COL6A5: variants seen among roughly 807,000 people sequenced by gnomAD.
COL6A5 encodes the protein collagen alpha-5(VI) chain.
COL6A5 carries 48 observed loss-of-function variants against 65.6 expected under a neutral mutation model. That is an observed-to-expected ratio of 0.73 (90% CI 0.58 to 0.93). COL6A5 has a LOEUF of 0.93. Ranked by LOEUF, COL6A5 falls within the 40% of genes least tolerant of loss-of-function variation. COL6A5 has a pLI of 0.00. For missense variants in COL6A5, 914 were observed against 928.3 expected (o/e 0.98, Z 0.20); for synonymous variants, 291 against 322.8 (o/e 0.90, Z 1.05).
chr3:130,368,936 A>G (rs1222874507), intron 1 of COL6A5, among the ~76,000 whole-genome samples: 1 of 152,222 alleles, frequency 6.6e-6, no homozygotes, highest in African/African-American at 2.4e-5. Context: ...TAGCTCAGCC[A>G]TGGACTGGTT....
intron 3 of COL6A5, among the ~76,000 whole-genome samples, chr3:130,377,646 A>G (rs555908937): frequency 2.9e-4 from 44 of 152,288 alleles, no homozygotes; most frequent in African/African-American, 9.1e-4. Flanking sequence ...TTAGGAGCAA[A>G]GACTTCGGAG....
intron 20 of COL6A5, 132 bp downstream of exon 20, chr3:130,410,656 T>A: frequency 1.4e-6 from 1 of 726,392 alleles, no homozygotes. Flanking sequence ...ATCTTGACAC[T>A]ACTGAAATTT....
At chr3:130,398,441 T>G (rs988549202) in intron 10 of COL6A5, among the ~76,000 whole-genome samples, 3 of 152,118 alleles carry the variant, frequency 2.0e-5, no homozygotes, top group African/African-American at 7.2e-5. Flanking sequence ...AGTTGAAAAT[T>G]TAAACAGTGA....
At chr3:130,475,356 T>C (rs1710067491) in intron 7 of COL6A5, among the ~76,000 whole-genome samples, 1 of 151,918 alleles carries the variant, frequency 6.6e-6, no homozygotes, top group Non-Finnish European at 1.5e-5. Context: ...AAAAAAATAT[T>C]GAAGCAGCTA....
chr3:130,357,005 G>A (rs1406312943), intron 1 of COL6A5, among the ~76,000 whole-genome samples: 1 of 152,032 alleles, frequency 6.6e-6, no homozygotes, highest in Admixed American at 6.6e-5. Flanking sequence ...TGAGAATTAA[G>A]ACAAAGAATA....
At chr3:130,369,305 C>A (rs1935465436) in intron 1 of COL6A5, among the ~76,000 whole-genome samples, 1 of 152,164 alleles carries the variant, frequency 6.6e-6, no homozygotes, top group Admixed American at 6.5e-5. Context: ...GCAAAAACTG[C>A]AATTACTTTT....
chr3:130,378,636 C>A (rs1935872726), intron 3 of COL6A5, among the ~76,000 whole-genome samples: 1 of 152,124 alleles, frequency 6.6e-6, no homozygotes, highest in African/African-American at 2.4e-5. Context: ...TCCCCTCACT[C>A]ATGGGCTCCA....
chr3:130,474,439 T>G (rs1280649258), intron 7 of COL6A5, among the ~76,000 whole-genome samples: 1 of 152,040 alleles, frequency 6.6e-6, no homozygotes, highest in Admixed American at 6.6e-5. Context: ...AACCAGGAGA[T>G]GTGAACAATT....
chr3:130,409,037 G>A (rs11917593), intron 17 of COL6A5, among the ~76,000 whole-genome samples: 1,851 of 152,212 alleles, frequency 0.012, 31 homozygotes, highest in African/African-American at 0.041. Context: ...AATGGCTACC[G>A]TATTGATGAA....
chr3:130,379,155 AGTG>A (rs1935897493), intron 3 of COL6A5, among the ~76,000 whole-genome samples: 1 of 151,976 alleles, frequency 6.6e-6, no homozygotes. Context: ...TGGAGATAAT[AGTG>A]GTGGTGGTCA....
intron 4 of COL6A5, among the ~76,000 whole-genome samples, chr3:130,381,079 G>C (rs559752957): frequency 1.3e-5 from 2 of 152,234 alleles, no homozygotes; most frequent in African/African-American, 4.8e-5. Flanking sequence ...GCTCCCAAGA[G>C]TTATATGTGC....
At chr3:130,429,243 T>C (rs1937692917), upstream of COL6A5, among the ~76,000 whole-genome samples, 1 of 152,322 alleles carries the variant, frequency 6.6e-6, no homozygotes, top group African/African-American at 2.4e-5. Flanking sequence ...GCAAAACAAA[T>C]TGAATTTCAG....
chr3:130,362,458 C>A (rs866086665), intron 1 of COL6A5, among the ~76,000 whole-genome samples: 85 of 151,320 alleles, frequency 5.6e-4, no homozygotes, highest in African/African-American at 2.0e-3. Context: ...TTGTGCAGGT[C>A]TATTTCTGGG....
chr3:130,398,686 G>C (rs1936702568), intron 10 of COL6A5, among the ~76,000 whole-genome samples: 1 of 152,148 alleles, frequency 6.6e-6, no homozygotes, highest in Non-Finnish European at 1.5e-5. Context: ...TGCTTGGAAT[G>C]GGTGTGGGGT....
chr3:130,369,877 C>T (rs1935486263), intron 1 of COL6A5, among the ~76,000 whole-genome samples: 1 of 152,076 alleles, frequency 6.6e-6, no homozygotes, highest in Admixed American at 6.6e-5. Context: ...GTTGGTCTAC[C>T]CTGAAGTGGG....
intron 7 of COL6A5, among the ~76,000 whole-genome samples, chr3:130,482,494 G>C (rs1181474449): frequency 6.6e-6 from 1 of 152,092 alleles, no homozygotes; most frequent in Non-Finnish European, 1.5e-5. Flanking sequence ...CTCCAGCTTT[G>C]TTCTTTTTGC....
intron 1 of COL6A5, among the ~76,000 whole-genome samples, chr3:130,346,639 C>G (rs944986276): frequency 6.6e-6 from 1 of 152,162 alleles, no homozygotes; most frequent in African/African-American, 2.4e-5. Flanking sequence ...AAGGTTCTTT[C>G]AAAGTGCTGG....
chr3:130,395,501 C>T (rs1186369300), intron 8 of COL6A5, 36 bp downstream of exon 8: 13 of 1,446,178 alleles, frequency 9.0e-6, no homozygotes, highest in Middle Eastern at 1.7e-4. Flanking sequence ...TCCATGGAAA[C>T]TTCTCATTTC....
chr3:130,477,086 A>C, intron 7 of COL6A5: 8 of 1,519,764 alleles, frequency 5.3e-6, no homozygotes, highest in Non-Finnish European at 7.1e-6. Context: ...CTAAGAATTC[A>C]GTAATTAATC....
Sources: gnomAD v4.1 joint callset for allele counts (sites outside exome capture counted in the v4.1 genomes callset) on GRCh38, gnomAD v4.1.1 for gene constraint, MANE v1.5 for transcripts, NCBI Gene and HGNC (gene_info 2026-07-23, HGNC 2026-07-21) for gene names.